Variants in XDH observed in about 807,000 individuals in gnomAD.
The protein encoded by XDH is xanthine dehydrogenase/oxidase.
Under a neutral mutation model 156.1 loss-of-function variants are expected in XDH, and 138 were observed. That is an observed-to-expected ratio of 0.88 (90% CI 0.77 to 1.02). The LOEUF (loss-of-function observed/expected upper bound fraction) is 1.02. Ranked by LOEUF, XDH falls within the 50% of genes least tolerant of loss-of-function variation. XDH has a pLI of 0.00. For missense variants in XDH, 1,849 were observed against 1,684.9 expected (o/e 1.10, Z -1.71); for synonymous variants, 669 against 625.7 (o/e 1.07, Z -1.03).
At chr2:31,375,591 C>T in intron 14 of XDH, 37 bp from the exon 15 acceptor site, 1 of 1,604,442 alleles carries the variant, frequency 6.2e-7, no homozygotes, top group Non-Finnish European at 8.5e-7. Flanking sequence ...CGCTCCCGCC[C>T]AGCCCTCCAG....
intron 6 of XDH, among the ~76,000 whole-genome samples, chr2:31,391,123 A>G (rs1289277989): frequency 6.6e-6 from 1 of 152,038 alleles, no homozygotes; most frequent in African/African-American, 2.4e-5. Flanking sequence ...TAGGTTTATG[A>G]TTCATTTTGA....
intron 22 of XDH, 98 bp from the exon 23 acceptor site, chr2:31,365,642 A>G: frequency 1.4e-6 from 2 of 1,404,152 alleles, no homozygotes; most frequent in Non-Finnish European, 2.0e-6. Context: ...CATCTTTTCC[A>G]CCTGCACGCT....
rs1252342817 is a variant in XDH at position 31,346,844 on chromosome 2, CTAAAG to C, written c.3277-6_3277-2del. On this transcript the variant is annotated splice_acceptor_variant and splice_polypyrimidine_tract_variant and intron_variant, in intron 29 of 35. Transcript: ENST00000379416. LOFTEE classifies it high-confidence loss of function. Reference sequence around the variant, plus strand: ...TTTTCAAGATGGTCTGACAAGCCGCCTAAAGTAAACACCCCCCACACCCCAGACAC... The same window carrying C: ...TTTTCAAGATGGTCTGACAAGCCGCCTAAACACCCCCCACACCCCAGACAC... The C allele has an allele frequency of 1.2e-6, 2 of 1,613,876 alleles. No homozygotes were observed. Among genetic ancestry groups the C allele is most frequent in the African/African-American group, 1.3e-5 (1 of 74,878 alleles).
At chr2:31,368,718 T>C in intron 18 of XDH, 58 bp from the exon 19 acceptor site, 1 of 1,614,046 alleles carries the variant, frequency 6.2e-7, no homozygotes. Flanking sequence ...AAACAAATTA[T>C]TTTTGGATTG....
At chr2:31,378,534 C>T (rs780641220) in intron 13 of XDH, among the ~76,000 whole-genome samples, 11 of 152,110 alleles carry the variant, frequency 7.2e-5, no homozygotes, top group African/African-American at 9.7e-5. Context: ...CCATGGAGCC[C>T]GCTCCTGATG....
chr2:31,340,937 A>G (rs1448118816), intron 33 of XDH, among the ~76,000 whole-genome samples: 2 of 152,078 alleles, frequency 1.3e-5, no homozygotes, highest in Admixed American at 6.5e-5. Flanking sequence ...TCCTAGGTGG[A>G]GGAGGAATGA....
intron 10 of XDH, among the ~76,000 whole-genome samples, chr2:31,383,353 A>G (rs1445613103): frequency 6.6e-6 from 1 of 152,174 alleles, no homozygotes; most frequent in African/African-American, 2.4e-5. Context: ...CCAGTACTCA[A>G]GCTTGGGCCT....
intron 1 of XDH, among the ~76,000 whole-genome samples, chr2:31,406,276 C>G (rs1347190815): frequency 6.6e-6 from 1 of 152,142 alleles, no homozygotes; most frequent in Non-Finnish European, 1.5e-5. Flanking sequence ...CTCTCTCTTG[C>G]TCTTACTGGC....
At chr2:31,410,584 T>A in intron 1 of XDH, among the ~76,000 whole-genome samples, 1 of 152,020 alleles carries the variant, frequency 6.6e-6, no homozygotes, top group Admixed American at 6.6e-5. Flanking sequence ...AAAGTTCGCA[T>A]CACAAAAAAG....
Position 31,337,538 on chromosome 2 carries a change from G to A in XDH, c.3951+103C>T, listed in dbSNP as rs568061074. On this transcript the variant is annotated intron_variant, in intron 35 of 35. Transcript: ENST00000379416. Reference sequence around the variant, plus strand: ...CCATTGATGCAAGGCTGCCCGGTTAGGAGAGAGCCCAACACCTCTCCTCTG... The same window carrying A: ...CCATTGATGCAAGGCTGCCCGGTTAAGAGAGAGCCCAACACCTCTCCTCTG... 6 of 1,568,316 alleles carry A rather than the reference G, an allele frequency of 3.8e-6. No individual in the cohort carries two copies. The East Asian group carries it at 1.3e-4, about 35-fold the overall frequency.
chr2:31,347,406 C>T, intron 29 of XDH, 116 bp downstream of exon 29: 1 of 1,500,968 alleles, frequency 6.7e-7, no homozygotes, highest in South Asian at 1.2e-5. Context: ...GAGCCAGAGG[C>T]CTGGCCAGAG....
chr2:31,347,403 A>T, intron 29 of XDH, 119 bp downstream of exon 29: 1 of 1,462,952 alleles, frequency 6.8e-7, no homozygotes, highest in Non-Finnish European at 9.3e-7. Flanking sequence ...AGGGAGCCAG[A>T]GGCCTGGCCA....
intron 4 of XDH, among the ~76,000 whole-genome samples, chr2:31,400,791 T>G (rs1403349966): frequency 1.3e-5 from 2 of 152,162 alleles, no homozygotes; most frequent in African/African-American, 4.8e-5. Context: ...AGGTAAGGGG[T>G]GCAGAATTAC....
chr2:31,335,664 G>A lies in XDH; in HGVS notation c.*294C>T. 3.9e-6 allele frequency: 2 copies of A among 506,608 alleles called. No homozygotes were observed. Among genetic ancestry groups the A allele is most frequent in the Non-Finnish European group, 7.2e-6 (2 of 278,014 alleles). The allele number at this position is 506,608 out of a possible 1,614,324, so 31.4% of individuals were successfully genotyped here. ...CAGGCTGTCCAGTAAGTGGGGAATA[G>A]CACAAACCCTTCCCGACCCTATTCC... On this transcript the variant is annotated 3_prime_UTR_variant, in exon 36 of 36. Transcript: ENST00000379416.
chr2:31,343,531 G>GCCTTATATAAGGCATATATATATGCCTTA (rs1553411733), intron 31 of XDH, among the ~76,000 whole-genome samples: 2 of 119,794 alleles, frequency 1.7e-5, no homozygotes, highest in Non-Finnish European at 3.5e-5. Flanking sequence ...ATACATATAT[G>GCCTTATATAAGGCATATATATATGCCTTA]TATAAGGCAT....
chr2:31,388,403 C>T (rs1029196072), intron 6 of XDH, 108 bp from the exon 7 acceptor site: 4 of 1,230,214 alleles, frequency 3.3e-6, no homozygotes, highest in Non-Finnish European at 4.7e-6. Context: ...GACGCCTGTC[C>T]CAGCATCAAC....
At chr2:31,366,813 T>C in intron 21 of XDH, 57 bp downstream of exon 21, 1 of 1,612,366 alleles carries the variant, frequency 6.2e-7, no homozygotes, top group Non-Finnish European at 8.5e-7. Context: ...CCTCCTGGTC[T>C]GCTAGGAGCT....
At chr2:31,361,203 G>GTTCC (rs758198907) in intron 24 of XDH, among the ~76,000 whole-genome samples, 1 of 152,186 alleles carries the variant, frequency 6.6e-6, no homozygotes, top group African/African-American at 2.4e-5. Context: ...TCCACTCATC[G>GTTCC]TAACAGCCCA....
chr2:31,370,502 G>A (rs1422367740), intron 17 of XDH, 24 bp from the exon 18 acceptor site: 2 of 1,613,758 alleles, frequency 1.2e-6, no homozygotes. Flanking sequence ...TGGTGTGAGG[G>A]GCCAGGTCAG....
Sources: allele counts gnomAD v4.1 joint callset (sites outside exome capture counted in the v4.1 genomes callset), GRCh38; gene constraint gnomAD v4.1.1; transcripts MANE v1.5; gene names NCBI Gene and HGNC (gene_info 2026-07-23, HGNC 2026-07-21).